The following WRAP73 variants were observed in gnomAD, a reference collection of about 807,000 sequenced individuals.
WRAP73 encodes WD repeat containing, antisense to TP73.
A neutral mutation model predicts 59.6 loss-of-function variants in WRAP73; 55 were observed. The observed-to-expected ratio is 0.92, with a 90% CI of 0.74 to 1.15. The LOEUF is 1.15. Among genes scored for constraint, WRAP73 ranks in the 50% most tolerant of loss-of-function variants. The pLI, the probability that WRAP73 is intolerant of heterozygous loss-of-function variation, is 0.00. For missense variants in WRAP73, 592 were observed against 608.1 expected, an observed-to-expected ratio of 0.97 and a Z score of 0.28; for synonymous variants, 265 against 258.2, an observed-to-expected ratio of 1.03 and a Z score of -0.25.
Position 3,646,828 on chromosome 1 carries a change from AC to A in WRAP73, c.223-47del. 1 of 1,537,794 alleles carries A rather than the reference AC, an allele frequency of 6.5e-7. No individual in the cohort carries two copies. Among genetic ancestry groups the A allele is most frequent in the Non-Finnish European group, 8.9e-7 (1 of 1,119,880 alleles). On this transcript the variant is annotated intron_variant, in intron 2 of 11. Coordinates refer to ENST00000270708, the MANE Select transcript of WRAP73 (RefSeq NM_017818.4). This position sits in a 1 kb window ranked among gnomAD's most constrained non-coding sequence, Gnocchi z 5.1. Reference sequence around the variant, plus strand: ...AACACACAAGTGCAAACTCATCAGCACCGAGAGACAGCGAGGACAGCTCGCT... The same window carrying A: ...AACACACAAGTGCAAACTCATCAGCACGAGAGACAGCGAGGACAGCTCGCT...
In WRAP73 at chr1:3,645,355, ATGGGCGGGTTGCCC is replaced by A. The variant is rs1644678964; in HGVS notation, c.339+1297_339+1310del. On this transcript the variant is annotated intron_variant, in intron 3 of 11. Transcript: ENST00000270708. ...AGTGTGGTGTGAGCGGCGCAGCGGG[ATGGGCGGGTTGCCC>A]CGTGGTGTGCGTGGCGCAGCGGGAC... Among the ~76,000 whole-genome samples, 5 of 101,046 alleles carry A rather than the reference ATGGGCGGGTTGCCC, an allele frequency of 4.9e-5. 1 individual carries two copies. The highest frequency in any genetic ancestry group is 3.0e-4 in the Admixed American group (3 of 10,068). The allele number at this position is 101,046 out of a possible 152,430, so 66.3% of individuals were successfully genotyped here. A position where few individuals can be genotyped will look rare whatever the true frequency, so the allele number is the denominator to read the frequency against.
At chr1:3,635,684 G>C (rs776734729) in intron 6 of WRAP73, 1 of 505,112 alleles carries the variant, frequency 2.0e-6, no homozygotes, top group Non-Finnish European at 3.5e-6. Flanking sequence ...AGCCGGGCGT[G>C]GTGGTGCATG....
At chr1:3,636,831 C>T (rs558560605) in intron 5 of WRAP73, 164 bp downstream of exon 5, 53 of 750,078 alleles carry the variant, frequency 7.1e-5, no homozygotes, top group Admixed American at 1.6e-4. Context: ...AACACACAAC[C>T]GGGTGCCACT....
chr1:3,647,237 T>C, intron 2 of WRAP73, 171 bp downstream of exon 2: 1 of 712,068 alleles, frequency 1.4e-6, no homozygotes, highest in Non-Finnish European at 2.1e-6. Flanking sequence ...TACGTTGGAG[T>C]TTCCTTAGTT....
intron 2 of WRAP73, chr1:3,647,110 G>C: frequency 2.2e-6 from 1 of 453,008 alleles, no homozygotes; most frequent in East Asian, 3.8e-5. Flanking sequence ...ATTTAGTTAA[G>C]CTTTGGACAC....
At chr1:3,641,460 A>G (rs1644643684) in intron 3 of WRAP73, among the ~76,000 whole-genome samples, 2 of 152,174 alleles carry the variant, frequency 1.3e-5, no homozygotes, top group South Asian at 4.1e-4. Flanking sequence ...AACCCAGCAC[A>G]CTCAAAACCA....
chr1:3,636,796 C>T (rs942706192), intron 5 of WRAP73, 199 bp downstream of exon 5: 38 of 668,630 alleles, frequency 5.7e-5, no homozygotes, highest in African/African-American at 4.2e-4. Context: ...CACCTGGGCA[C>T]GCGTCCTTTT....
intron 8 of WRAP73, 102 bp downstream of exon 8, chr1:3,634,895 G>A (rs371873252): frequency 1.6e-5 from 22 of 1,366,148 alleles, no homozygotes; most frequent in East Asian, 9.2e-5. Context: ...GGAAGTGCCC[G>A]GTTAAATAAT....
chr1:3,638,903 C>T lies in WRAP73; in HGVS notation c.340-81G>A, dbSNP rs74048695. On this transcript the variant is annotated intron_variant, in intron 3 of 11. Transcript: ENST00000270708. Reference sequence around the variant, plus strand: ...CGTCTCAATCCTCAACCCGCCCACGCGTCCCCAAGCACAGGCCTGACTGCT... The same window carrying T: ...CGTCTCAATCCTCAACCCGCCCACGTGTCCCCAAGCACAGGCCTGACTGCT... 1,346 of 1,512,870 alleles carry T rather than the reference C, an allele frequency of 8.9e-4. 20 individuals are homozygous for T. The African/African-American group carries it at 0.016, about 18-fold the overall frequency. 93.7% of individuals were successfully genotyped at this position (1,512,870 alleles called of 1,614,324 possible).
chr1:3,645,163 T>C (rs1321014925), intron 3 of WRAP73, among the ~76,000 whole-genome samples: 4 of 152,216 alleles, frequency 2.6e-5, no homozygotes. Flanking sequence ...TCTGAAGCAG[T>C]TGATTCAGCA....
Position 3,646,241 on chromosome 1 carries a change from T to G in WRAP73, c.339+425A>C, listed in dbSNP as rs1415273511. ...AGCACGGGCGGTGGGGCTCGCAATC[T>G]GGATACGCCAAAGAGAAGCCACAAA... On this transcript the variant is annotated intron_variant, in intron 3 of 11. Coordinates refer to ENST00000270708, the MANE Select transcript of WRAP73 (RefSeq NM_017818.4). This position sits in a 1 kb window ranked among gnomAD's most constrained non-coding sequence, Gnocchi z 5.1. Among the ~76,000 whole-genome samples the G allele has an allele frequency of 2.0e-5, 3 of 152,316 alleles. No homozygotes were observed. Among genetic ancestry groups the G allele is most frequent in the Middle Eastern group, 3.4e-3 (1 of 294 alleles).
intron 1 of WRAP73, among the ~76,000 whole-genome samples, chr1:3,648,956 C>T (rs1194026293): frequency 2.6e-5 from 4 of 152,128 alleles, no homozygotes; most frequent in Non-Finnish European, 5.9e-5. Context: ...GAGTTAAACT[C>T]TCAAAAGCTA....
rs112793220 is a variant in WRAP73 at position 3,635,550 on chromosome 1, G to A, written c.604-256C>T. 869 of 553,974 alleles carry A rather than the reference G, an allele frequency of 1.6e-3. 1 individual carries two copies. The highest frequency in any genetic ancestry group is 2.4e-3 in the Non-Finnish European group (740 of 313,452). The allele number at this position is 553,974 out of a possible 1,614,324, so 34.3% of individuals were successfully genotyped here. A position where few individuals can be genotyped will look rare whatever the true frequency, so the allele number is the denominator to read the frequency against. On this transcript the variant is annotated intron_variant, in intron 6 of 11. Transcript: ENST00000270708. ...TAAAAGTTCAACTCGGCCGGGCACT[G>A]TGGCTCACGCCTGTAATCCCAGCAC... is the stretch of plus-strand genomic sequence containing the variant.
chr1:3,641,913 G>A (rs575431862), intron 3 of WRAP73, among the ~76,000 whole-genome samples: 10 of 152,294 alleles, frequency 6.6e-5, no homozygotes, highest in Non-Finnish European at 1.2e-4. Context: ...TGGCACTGCC[G>A]CATTCGTACG....
intron 9 of WRAP73, chr1:3,633,181 C>G (rs1238352526): frequency 1.8e-6 from 1 of 546,038 alleles, no homozygotes; most frequent in Non-Finnish European, 3.3e-6. Flanking sequence ...GTCTCCAGGG[C>G]TCATATTCAG....
In WRAP73 at chr1:3,637,483, G is replaced by A. The variant is rs141793460; in HGVS notation, c.413-385C>T. Among the ~76,000 whole-genome samples, 446 of 152,316 alleles carry A rather than the reference G, an allele frequency of 2.9e-3. 8 individuals are homozygous for A. The highest frequency in any genetic ancestry group is 0.025 in the Admixed American group (389 of 15,304). ...AGGGCTATCTCCAGCTAGGCAAAAG[G>A]CAGCTGGTTCCTACCATATTTATTT... On this transcript the variant is annotated intron_variant, in intron 4 of 11. Transcript: ENST00000270708.
chr1:3,650,086 CCT>C lies in WRAP73; in HGVS notation c.-89_-88del. The C allele has an allele frequency of 1.5e-6, 2 of 1,369,068 alleles. No homozygotes were observed. The highest frequency in any genetic ancestry group is 2.8e-5 in the South Asian group (2 of 71,218). 84.8% of individuals were successfully genotyped at this position (1,369,068 alleles called of 1,614,324 possible). ...AGCAGGCTGCAACAGCCGACGCCGG[CCT>C]CCGAGGCCGGAAGTCAGAAGGCGGA... On this transcript the variant is annotated 5_prime_UTR_variant, in exon 1 of 12. Transcript: ENST00000270708.
chr1:3,631,685 G>A, intron 10 of WRAP73, 28 bp from the exon 11 acceptor site: 1 of 1,568,144 alleles, frequency 6.4e-7, no homozygotes, highest in Non-Finnish European at 8.6e-7. Context: ...GGGCACCGGT[G>A]TCATCCCTGC....
rs750494376 is a variant in WRAP73 at position 3,632,198 on chromosome 1, G to A, written c.1048+15C>T. ...CAGTAAAGGGTGAGACAGCACCTGC[G>A]TCAGCACAACTGACCGTTCCTTGTC... On this transcript the variant is annotated intron_variant, in intron 10 of 11. Coordinates refer to ENST00000270708, the MANE Select transcript of WRAP73 (RefSeq NM_017818.4). 94 of 1,608,194 alleles carry A rather than the reference G, an allele frequency of 5.8e-5. No individual in the cohort carries two copies. In the Admixed American group the frequency reaches 8.9e-4, roughly 15 times the overall value.
Sources: gnomAD v4.1 joint callset for allele counts (sites outside exome capture counted in the v4.1 genomes callset) on GRCh38, gnomAD v4.1.1 for gene constraint, Gnocchi (gnomAD v3.1) non-coding constraint, MANE v1.5 for transcripts, NCBI Gene and HGNC (gene_info 2026-07-23, HGNC 2026-07-21) for gene names.